TRPC7: variants seen among roughly 807,000 people sequenced by gnomAD.
TRPC7 encodes short transient receptor potential channel 7.
Under a neutral mutation model 90.1 loss-of-function variants are expected in TRPC7, and 42 were observed. The ratio of observed to expected loss-of-function variants is 0.47; its 90% CI spans 0.36 to 0.60. The LOEUF is 0.60. Ranked by LOEUF, TRPC7 falls within the 20% of genes least tolerant of loss-of-function variation. The pLI, the probability that TRPC7 is intolerant of heterozygous loss-of-function variation, is 0.00. For missense variants in TRPC7, 955 were observed against 1,112.3 expected (o/e 0.86, Z 2.01); for synonymous variants, 451 against 436.3 (o/e 1.03, Z -0.42).
intron 2 of TRPC7, among the ~76,000 whole-genome samples, chr5:136,339,620 G>A (rs962907274): frequency 3.9e-5 from 6 of 152,030 alleles, no homozygotes; most frequent in South Asian, 2.1e-4. Context: ...AGACTCAAAA[G>A]GTCCTGTGTC....
chr5:136,262,061 G>T (rs1756875013), intron 5 of TRPC7, among the ~76,000 whole-genome samples: 1 of 152,078 alleles, frequency 6.6e-6, no homozygotes, highest in South Asian at 2.1e-4. Context: ...AGTGTTATTG[G>T]TTTTACCTTC....
rs1344142060 is a variant in TRPC7, at chr5:136,293,695, T to C, written c.964-18858A>G. 3.3e-4 allele frequency among the ~76,000 whole-genome samples: 50 copies of C among 152,174 alleles called. No homozygotes were observed. In the East Asian group the frequency reaches 9.5e-3, roughly 29 times the overall value. On this transcript the variant is annotated intron_variant, in intron 3 of 11. Coordinates refer to ENST00000513104, the MANE Select transcript of TRPC7 (RefSeq NM_020389.3). Reference sequence around the variant, plus strand: ...GCTCATGGGTAGGAAGAATCAATATTGTGAAAATGGCCATACTGCCCAAGG... The same window carrying C: ...GCTCATGGGTAGGAAGAATCAATATCGTGAAAATGGCCATACTGCCCAAGG...
chr5:136,335,371 A>G (rs956432875), intron 2 of TRPC7, among the ~76,000 whole-genome samples: 3 of 151,974 alleles, frequency 2.0e-5, no homozygotes, highest in African/African-American at 7.2e-5. Context: ...AGTTCCCTCC[A>G]CTTAGCCCTT....
rs141054956 is a variant in TRPC7 at position 136,295,362 on chromosome 5, C to T, written c.963+20235G>A. On this transcript the variant is annotated intron_variant, in intron 3 of 11. Coordinates refer to ENST00000513104, the MANE Select transcript of TRPC7 (RefSeq NM_020389.3). Reference sequence around the variant, plus strand: ...TAATCTGGGGGAAAATGTATAAGGGCGGCTACCTGTGGATCTGGTGAGAGG... The same window carrying T: ...TAATCTGGGGGAAAATGTATAAGGGTGGCTACCTGTGGATCTGGTGAGAGG... Among the ~76,000 whole-genome samples, 783 of 152,170 alleles carry T rather than the reference C, an allele frequency of 5.1e-3. 5 individuals carry two copies. Among genetic ancestry groups the T allele is most frequent in the African/African-American group, 0.018 (732 of 41,520 alleles).
chr5:136,216,028 A>C (rs368650789), intron 11 of TRPC7, among the ~76,000 whole-genome samples, 172 bp downstream of exon 11: 39 of 152,244 alleles, frequency 2.6e-4, no homozygotes, highest in African/African-American at 9.1e-4. Flanking sequence ...ACAGGCCTGC[A>C]GCCCCGTGGA....
chr5:136,283,062 C>G (rs902397282), intron 3 of TRPC7, among the ~76,000 whole-genome samples: 1 of 152,244 alleles, frequency 6.6e-6, no homozygotes, highest in Non-Finnish European at 1.5e-5. Flanking sequence ...CCTTCCTCCT[C>G]CCTCCCTGAA....
At chr5:136,353,407 G>A (rs1397456896) in intron 2 of TRPC7, among the ~76,000 whole-genome samples, 4 of 152,152 alleles carry the variant, frequency 2.6e-5, no homozygotes, top group African/African-American at 7.2e-5. Context: ...CATTTCCAAT[G>A]AGAATCTGAT....
intron 2 of TRPC7, among the ~76,000 whole-genome samples, chr5:136,344,052 G>A (rs891232682): frequency 6.6e-6 from 1 of 152,086 alleles, no homozygotes; most frequent in East Asian, 1.9e-4. Flanking sequence ...TGCTAGACTG[G>A]ATAAAGAAAA....
At chr5:136,333,141 A>C (rs1759551938) in intron 2 of TRPC7, among the ~76,000 whole-genome samples, 1 of 152,228 alleles carries the variant, frequency 6.6e-6, no homozygotes, top group Admixed American at 6.5e-5. Context: ...TGACTGTGGC[A>C]GTAACTCACT....
chr5:136,343,663 A>G (rs1055378104), intron 2 of TRPC7, among the ~76,000 whole-genome samples: 1 of 152,184 alleles, frequency 6.6e-6, no homozygotes, highest in African/African-American at 2.4e-5. Context: ...CATCCATGTC[A>G]TGTAAAACTT....
intron 1 of TRPC7, among the ~76,000 whole-genome samples, chr5:136,360,510 G>A (rs181291038): frequency 3.9e-5 from 6 of 152,220 alleles, no homozygotes; most frequent in African/African-American, 9.6e-5. Flanking sequence ...CTTGGCAGAC[G>A]TTAAAATGTC....
chr5:136,313,288 A>C (rs867910081), intron 3 of TRPC7, among the ~76,000 whole-genome samples: 4 of 152,184 alleles, frequency 2.6e-5, no homozygotes, highest in Admixed American at 1.3e-4. Flanking sequence ...TAAGTCGCTG[A>C]ATTAATGGGT....
chr5:136,258,806 C>T (rs1756765392), intron 5 of TRPC7, among the ~76,000 whole-genome samples: 1 of 152,198 alleles, frequency 6.6e-6, no homozygotes, highest in Non-Finnish European at 1.5e-5. Flanking sequence ...GGTCCTGGCC[C>T]CCAGGGGCTA....
chr5:136,289,986 A>G (rs1398253366), intron 3 of TRPC7, among the ~76,000 whole-genome samples: 2 of 152,174 alleles, frequency 1.3e-5, no homozygotes, highest in Non-Finnish European at 2.9e-5. Flanking sequence ...CGGTTCACCA[A>G]TATCAGCTGT....
chr5:136,302,765 C>A (rs530260620), intron 3 of TRPC7, among the ~76,000 whole-genome samples: 28 of 152,142 alleles, frequency 1.8e-4, no homozygotes, highest in Admixed American at 3.9e-4. Flanking sequence ...CTAAATAATT[C>A]TTTTCGTAAA....
chr5:136,363,276 T>C (rs1760624335), intron 1 of TRPC7, among the ~76,000 whole-genome samples: 1 of 152,162 alleles, frequency 6.6e-6, no homozygotes, highest in Non-Finnish European at 1.5e-5. Flanking sequence ...TTTCTAAGTA[T>C]CACCTTCCTT....
At chr5:136,230,820 C>T (rs1755791937) in intron 8 of TRPC7, among the ~76,000 whole-genome samples, 1 of 152,142 alleles carries the variant, frequency 6.6e-6, no homozygotes, top group Non-Finnish European at 1.5e-5. Flanking sequence ...CATAGTCAAT[C>T]TCTGTCTCTG....
chr5:136,248,563 T>C (rs1270140652), intron 6 of TRPC7, among the ~76,000 whole-genome samples: 1 of 152,186 alleles, frequency 6.6e-6, no homozygotes, highest in Non-Finnish European at 1.5e-5. Context: ...TCAGGTACTG[T>C]GTGCTGGGAT....
intron 3 of TRPC7, among the ~76,000 whole-genome samples, chr5:136,284,513 AT>A (rs2149820482): frequency 6.6e-6 from 1 of 152,346 alleles, no homozygotes; most frequent in East Asian, 1.9e-4. Context: ...AAATCTATCT[AT>A]GCATCCATTC....
Sources: gnomAD v4.1 joint callset for allele counts (sites outside exome capture counted in the v4.1 genomes callset) on GRCh38, gnomAD v4.1.1 for gene constraint, MANE v1.5 for transcripts, NCBI Gene and HGNC (gene_info 2026-07-23, HGNC 2026-07-21) for gene names.